IKZF5: variants seen among roughly 807,000 people sequenced by gnomAD.
IKZF5 encodes the protein IKAROS family zinc finger 5.
A neutral mutation model predicts 30.7 loss-of-function variants in IKZF5; 4 were observed. That is an observed-to-expected ratio of 0.13 (90% CI 0.06 to 0.30). The LOEUF (loss-of-function observed/expected upper bound fraction) is 0.30, where lower values mean the gene tolerates loss of function less well. IKZF5 is among the 10% of genes least tolerant of loss of function. The pLI is 1.00. For synonymous variants in IKZF5, 148 were observed against 179.6 expected, an observed-to-expected ratio of 0.82 and a Z score of 1.41; for missense variants, 348 against 525.5, an observed-to-expected ratio of 0.66 and a Z score of 3.30.
chr10:123,000,683 C>G (rs1177576271), intron 2 of IKZF5, among the ~76,000 whole-genome samples: 1 of 152,236 alleles, frequency 6.6e-6, no homozygotes, highest in Admixed American at 6.5e-5. Flanking sequence ...TAGCAGTAAA[C>G]AAAACTGCTG....
Position 123,008,741 on chromosome 10 carries a change from TCGCCGCCGC to T in IKZF5, c.-254_-246del. On this transcript the variant is annotated 5_prime_UTR_variant, in exon 1 of 5. Coordinates refer to ENST00000368886, the MANE Select transcript of IKZF5 (RefSeq NM_001372123.1). ...AACCACACCGCCTTGTTAAATGCCG[TCGCCGCCGC>T]CGCCGTCTTCGTCACCGTCACAGTC... 2 of 585,302 alleles carry T rather than the reference TCGCCGCCGC, an allele frequency of 3.4e-6. No individual in the cohort carries two copies. Among genetic ancestry groups the T allele is most frequent in the Admixed American group, 5.9e-5 (2 of 34,072 alleles). 36.3% of individuals were successfully genotyped at this position (585,302 alleles called of 1,614,324 possible).
At position 122,992,005 on chromosome 10, in the gene IKZF5, G is replaced by T. The variant is rs551117052; in HGVS notation, c.*1775C>A. On this transcript the variant is annotated 3_prime_UTR_variant, in exon 5 of 5. Coordinates refer to ENST00000368886, the MANE Select transcript of IKZF5 (RefSeq NM_001372123.1). ...GACAACCTGTTTCTTTCTGGCAACT[G>T]ATAAATACTAAAGCCAAGTTACACA... is the stretch of plus-strand genomic sequence containing the variant. 1 of 152,284 alleles carries T rather than the reference G, an allele frequency of 6.6e-6. No individual in the cohort carries two copies. Among genetic ancestry groups the T allele is most frequent in the African/African-American group, 2.4e-5 (1 of 41,566 alleles). 9.4% of individuals were successfully genotyped at this position (152,284 alleles called of 1,614,324 possible).
In IKZF5 at chr10:122,994,055, C is replaced by A. The variant is rs765935858; in HGVS notation, c.985G>T (p.Gly329Cys). Residue 329 changes from glycine (G) to cysteine (C), a missense_variant, in exon 5 of 5, where the codon GGT becomes TGT. Coordinates refer to ENST00000368886, the MANE Select transcript of IKZF5 (RefSeq NM_001372123.1). This position sits in a 1 kb window ranked among gnomAD's most constrained non-coding sequence, Gnocchi z 5.6. ...TGGGCACTTGGCTCACTGCTTGGAC[C>A]TGCCACTGGACTATAGTTCCTTTGA... is the stretch of plus-strand genomic sequence containing the variant. Reference protein sequence around the residue: ...HSQRNYSPVAGPSSEPSAHTS... With the variant: ...HSQRNYSPVACPSSEPSAHTS... 3 of 1,614,116 alleles carry A rather than the reference C, an allele frequency of 1.9e-6. No individual in the cohort carries two copies. The highest frequency in any genetic ancestry group is 2.5e-6 in the Non-Finnish European group (3 of 1,180,042).
chr10:122,997,932 T>A (rs1849436911), intron 3 of IKZF5, among the ~76,000 whole-genome samples: 1 of 152,190 alleles, frequency 6.6e-6, no homozygotes, highest in African/African-American at 2.4e-5. Context: ...GCAGTCCAGA[T>A]GGGGCCCACG....
At chr10:123,008,085 C>CACAGTTTAT (rs1488405652) in intron 1 of IKZF5, among the ~76,000 whole-genome samples, 2 of 152,112 alleles carry the variant, frequency 1.3e-5, no homozygotes, top group Non-Finnish European at 1.5e-5. Flanking sequence ...AGATCTAAAC[C>CACAGTTTAT]CCGAATGAAC....
rs1849291668 is a variant in IKZF5 at position 122,994,538 on chromosome 10, C to T, written c.502G>A (p.Gly168Ser). Residue 168 changes from glycine (G) to serine (S), a missense_variant, in exon 5 of 5, where the codon GGT (glycine) becomes AGT (serine). Physicochemically the swap from Gly to Ser is moderately conservative, Grantham distance 56. This residue lies in a region of IKZF5 where 36 missense variants were observed against 129.4 expected (regional missense o/e 0.28). Coordinates refer to ENST00000368886, the MANE Select transcript of IKZF5 (RefSeq NM_001372123.1). This position sits in a 1 kb window ranked among gnomAD's most constrained non-coding sequence, Gnocchi z 5.6. ...TTGCTGCTTAAGGAAGACCTAGTAC[C>T]TTTAATTGGTACCATTTTATGCTTG... ...RRKHKMVPIK[G>S]TRSSLSSKKM... is the part of the protein sequence containing the mutation. 5 of 1,614,160 alleles carry T rather than the reference C, an allele frequency of 3.1e-6. No homozygotes were observed. Among genetic ancestry groups the T allele is most frequent in the Non-Finnish European group, 4.2e-6 (5 of 1,180,042 alleles).
In IKZF5 at chr10:122,995,013, T is replaced by G. The variant is rs9423242; in HGVS notation, c.317-290A>C. On this transcript the variant is annotated intron_variant, in intron 4 of 4. Transcript: ENST00000368886. ...CATTTAGAGAGAAGAAACAGTACAA[T>G]TGAAATATTCTAGTAATAGTCTTAC... 1.3e-3 allele frequency: 398 copies of G among 312,848 alleles called. 2 individuals are homozygous for G. The highest frequency in any genetic ancestry group is 1.9e-3 in the Non-Finnish European group (323 of 171,112). The allele number at this position is 312,848 out of a possible 1,614,324, so 19.4% of individuals were successfully genotyped here.
In IKZF5 at chr10:122,994,755, CAAGA is replaced by C; in HGVS notation, c.317-36_317-33del. 2 of 1,514,218 alleles carry C rather than the reference CAAGA, an allele frequency of 1.3e-6. No homozygotes were observed. The highest frequency in any genetic ancestry group is 1.8e-6 in the Non-Finnish European group (2 of 1,119,858). 93.8% of individuals were successfully genotyped at this position (1,514,218 alleles called of 1,614,324 possible). ...CAAAAGAAAAATGATGGAGAAACTA[CAAGA>C]GTAGTTCATTTATGGAAAGTTTTGC... is the stretch of plus-strand genomic sequence containing the variant. On this transcript the variant is annotated intron_variant, in intron 4 of 4. Transcript: ENST00000368886. This position sits in a 1 kb window ranked among gnomAD's most constrained non-coding sequence, Gnocchi z 5.6.
Position 122,992,370 on chromosome 10 carries a change from C to T in IKZF5, c.*1410G>A, listed in dbSNP as rs1849191988. 1 of 152,040 alleles carries T rather than the reference C, an allele frequency of 6.6e-6. No homozygotes were observed. The allele number at this position is 152,040 out of a possible 1,614,324, so 9.4% of individuals were successfully genotyped here. ...GATGCTTACTATTCTCTTTAAGATG[C>T]CAATTAGGGGCACATTCAACATATG... On this transcript the variant is annotated 3_prime_UTR_variant, in exon 5 of 5. Coordinates refer to ENST00000368886, the MANE Select transcript of IKZF5 (RefSeq NM_001372123.1).
chr10:123,000,574 G>A (rs760336720), intron 2 of IKZF5, among the ~76,000 whole-genome samples: 8 of 152,204 alleles, frequency 5.3e-5, no homozygotes, highest in Non-Finnish European at 7.3e-5. Flanking sequence ...TCTGTTGGTT[G>A]TATAGAAGTG....
chr10:122,991,178 C>G lies in IKZF5; in HGVS notation c.*2602G>C, dbSNP rs1001205784. 6.6e-6 allele frequency: 1 copy of G among 152,118 alleles called. No individual in the cohort carries two copies. The highest frequency in any genetic ancestry group is 1.5e-5 in the Non-Finnish European group (1 of 68,012). 9.4% of individuals were successfully genotyped at this position (152,118 alleles called of 1,614,324 possible). A position where few individuals can be genotyped will look rare whatever the true frequency, so the allele number is the denominator to read the frequency against. On this transcript the variant is annotated 3_prime_UTR_variant, in exon 5 of 5. Transcript: ENST00000368886. ...AGTTTTTGCAGAAGAATGGCAAACA[C>G]TTATTTCTAAAATGAAATAGCCCTG...
At chr10:122,998,882 C>G (rs899787360) in intron 2 of IKZF5, among the ~76,000 whole-genome samples, 1 of 151,634 alleles carries the variant, frequency 6.6e-6, no homozygotes, top group African/African-American at 2.4e-5. Flanking sequence ...CAAACTTAGT[C>G]ACAGAGGATG....
rs1849354835 is a variant in IKZF5, at chr10:122,995,998, G to A, written c.312C>T (p.His104=). 1.2e-6 allele frequency: 2 copies of A among 1,613,308 alleles called. No homozygotes were observed. The highest frequency in any genetic ancestry group is 4.5e-5 in the East Asian group (2 of 44,876). Residue 104 remains histidine, a synonymous_variant, in exon 4 of 5, where the codon CAC becomes CAT. Coordinates refer to ENST00000368886, the MANE Select transcript of IKZF5 (RefSeq NM_001372123.1). ...TARLIEHIRI[H]TGEKPHRCHL... The stretch of plus-strand genomic sequence containing the variant: ...TTCCAGCTGTCTTTCCATTACCTGT[G>A]TGGATTCTGATGTGTTCAATAAGCC...
intron 1 of IKZF5, among the ~76,000 whole-genome samples, chr10:123,008,127 A>G (rs959524406): frequency 6.6e-6 from 1 of 152,188 alleles, no homozygotes; most frequent in African/African-American, 2.4e-5. Context: ...TGTCTTTCTC[A>G]AATCTCACAT....
rs746752100 is a variant in IKZF5 at position 122,994,296 on chromosome 10, A to T, written c.744T>A (p.Val248=). The T allele has an allele frequency of 1.2e-6, 2 of 1,613,916 alleles. No individual in the cohort carries two copies. The highest frequency in any genetic ancestry group is 1.7e-6 in the Non-Finnish European group (2 of 1,179,958). Residue 248 remains valine (V), a synonymous_variant, in exon 5 of 5, where the codon GTT becomes GTA. Transcript: ENST00000368886. The surrounding 1 kb of genome is among the most constrained non-coding windows in gnomAD (Gnocchi z 5.6). The part of the protein sequence containing the change: ...GLPRDPQELM[V]DNPLNQLSTL... ...TCGAGAGCTGATTCAAAGGGTTATC[A>T]ACCATGAGTTCTTGGGGGTCCCTTG...
intron 2 of IKZF5, among the ~76,000 whole-genome samples, chr10:123,003,419 C>T (rs1228267760): frequency 3.9e-5 from 6 of 152,138 alleles, no homozygotes; most frequent in African/African-American, 1.4e-4. Context: ...GCAAATTTTG[C>T]TATCTACAGG....
At chr10:123,001,501 GT>G (rs761407641) in intron 2 of IKZF5, among the ~76,000 whole-genome samples, 29 of 152,088 alleles carry the variant, frequency 1.9e-4, no homozygotes, top group Admixed American at 3.3e-4. Context: ...CTGGACTTGA[GT>G]TTTGTGTATG....
chr10:122,996,274 T>TTCACTTC, intron 3 of IKZF5, 98 bp from the exon 4 acceptor site: 1 of 1,025,684 alleles, frequency 9.7e-7, no homozygotes, highest in South Asian at 1.6e-5. Context: ...AAATTGACAG[T>TTCACTTC]TCACTTCTCA....
chr10:122,997,531 G>T (rs1297466703), intron 3 of IKZF5: 1 of 152,252 alleles, frequency 6.6e-6, no homozygotes, highest in African/African-American at 2.4e-5. Context: ...CTGGGGTGGT[G>T]TCTGGTGTTT....
Sources: allele counts gnomAD v4.1 joint callset (sites outside exome capture counted in the v4.1 genomes callset), GRCh38; gene constraint gnomAD v4.1.1; regional missense constraint gnomAD v4.1.1; non-coding constraint Gnocchi (gnomAD v3.1); transcripts MANE v1.5; gene names NCBI Gene and HGNC (gene_info 2026-07-23, HGNC 2026-07-21).